Variants in NBAS observed in about 807,000 individuals in gnomAD.
The protein encoded by NBAS is NAG/BC035112 fusion.
Under a neutral mutation model 302.5 loss-of-function variants are expected in NBAS, and 219 were observed. That is an observed-to-expected ratio of 0.72 (90% CI 0.65 to 0.81). NBAS has a LOEUF of 0.81. Among genes scored for constraint, NBAS ranks in the 30% least tolerant of loss-of-function variants. NBAS has a pLI of 0.00. For synonymous variants in NBAS, 1,118 were observed against 1,021.6 expected, an observed-to-expected ratio of 1.09 and a Z score of -1.80; for missense variants, 2,932 against 2,841.6, an observed-to-expected ratio of 1.03 and a Z score of -0.72.
At chr2:14,810,050 T>G in the NBAS span, among the ~76,000 whole-genome samples, 1 of 152,362 alleles carries the variant, frequency 6.6e-6, no homozygotes, top group South Asian at 2.1e-4. Context: ...GCCTGTACTC[T>G]CATTTTATCT....
At chr2:15,276,009 T>C (rs182557141) in intron 43 of NBAS, among the ~76,000 whole-genome samples, 191 bp from the exon 44 acceptor site, 7 of 152,304 alleles carry the variant, frequency 4.6e-5, no homozygotes, top group Admixed American at 4.6e-4. Flanking sequence ...CTGAAACTTA[T>C]TCGGCTTTGT....
chr2:15,377,541 A>G (rs1674804628), intron 30 of NBAS, among the ~76,000 whole-genome samples: 2 of 152,250 alleles, frequency 1.3e-5, no homozygotes, highest in South Asian at 4.1e-4. Context: ...TTACAGGTGA[A>G]GAACCTGAGG....
chr2:14,880,048 T>C, the NBAS span, among the ~76,000 whole-genome samples: 2 of 152,160 alleles, frequency 1.3e-5, no homozygotes, highest in Non-Finnish European at 2.9e-5. Context: ...AGAAGAGCCA[T>C]TCCTTGGAGA....
In NBAS at chr2:15,376,826, C is replaced by A. The variant is rs538429604; in HGVS notation, c.3591-2106G>T. On this transcript the variant is annotated intron_variant, in intron 30 of 51. Coordinates refer to ENST00000281513, the MANE Select transcript of NBAS (RefSeq NM_015909.4). Reference sequence around the variant, plus strand: ...ACATAACTGTAAACACTAAAATACACCCAGGCTCACAGGTTGCAATCAGTG... The same window carrying A: ...ACATAACTGTAAACACTAAAATACAACCAGGCTCACAGGTTGCAATCAGTG... Among the ~76,000 whole-genome samples the A allele has an allele frequency of 2.0e-5, 3 of 152,130 alleles. No homozygotes were observed. In the South Asian group the frequency reaches 6.2e-4, roughly 32 times the overall value.
chr2:14,815,205 G>A, the NBAS span, among the ~76,000 whole-genome samples: 3 of 152,126 alleles, frequency 2.0e-5, no homozygotes, highest in Admixed American at 2.0e-4. Context: ...AGCTTTTTCA[G>A]ATCAAAACAG....
chr2:15,522,328 G>C (rs1030039159), intron 9 of NBAS, among the ~76,000 whole-genome samples: 2 of 152,300 alleles, frequency 1.3e-5, no homozygotes, highest in East Asian at 3.9e-4. Flanking sequence ...TGAAGATCAT[G>C]AGTTGAGAAT....
At chr2:15,234,991 C>A (rs1667530646) in intron 45 of NBAS, among the ~76,000 whole-genome samples, 1 of 152,064 alleles carries the variant, frequency 6.6e-6, no homozygotes, top group Admixed American at 6.6e-5. Flanking sequence ...TCAATATCTG[C>A]AAAATGAGGT....
intron 13 of NBAS, among the ~76,000 whole-genome samples, chr2:15,476,286 GACAA>G (rs1353701831): frequency 6.6e-6 from 1 of 151,948 alleles, no homozygotes; most frequent in Non-Finnish European, 1.5e-5. Flanking sequence ...ACCACTTTCA[GACAA>G]ACACTGAGAG....
chr2:15,294,759 A>G (rs1670469403), intron 40 of NBAS, among the ~76,000 whole-genome samples: 1 of 152,178 alleles, frequency 6.6e-6, no homozygotes, highest in Non-Finnish European at 1.5e-5. Context: ...GGGTGGCAGG[A>G]GAGCTCTTTT....
chr2:15,238,689 TA>T lies in NBAS; in HGVS notation c.5725-4del, dbSNP rs758697933. The T allele has an allele frequency of 4.1e-6, 6 of 1,457,930 alleles. No individual in the cohort carries two copies. Among genetic ancestry groups the T allele is most frequent in the Non-Finnish European group, 4.5e-6 (5 of 1,109,814 alleles). The allele number at this position is 1,457,930 out of a possible 1,614,324, so 90.3% of individuals were successfully genotyped here. A position where few individuals can be genotyped will look rare whatever the true frequency, so the allele number is the denominator to read the frequency against. ...TCTTTACGGGCTTCCACAGACAGCT[TA>T]AAAAAAAGAATAGTGAGACCAAAGA... On this transcript the variant is annotated splice_polypyrimidine_tract_variant and splice_region_variant and intron_variant, in intron 44 of 51. Transcript: ENST00000281513.
At chr2:15,475,178 T>C (rs183764582) in intron 14 of NBAS, among the ~76,000 whole-genome samples, 41 of 152,326 alleles carry the variant, frequency 2.7e-4, no homozygotes, top group African/African-American at 9.4e-4. Flanking sequence ...GTAAAAAATA[T>C]GTCAATCTGC....
chr2:14,935,577 CCTGTTATGGTTT>C, the NBAS span, among the ~76,000 whole-genome samples: 7,390 of 152,090 alleles, frequency 0.049, 568 homozygotes, highest in African/African-American at 0.17. Context: ...CATTATGGAT[CCTGTTATGGTTT>C]TCCTTGACAG....
rs1460632327 is a variant in NBAS, at chr2:15,424,249, C to T, written c.2577+66G>A. 1.9e-6 allele frequency: 3 copies of T among 1,571,542 alleles called. No individual in the cohort carries two copies. In the East Asian group the frequency reaches 6.7e-5, roughly 35 times the overall value. On this transcript the variant is annotated intron_variant, in intron 23 of 51. Transcript: ENST00000281513. ...CTGCTGTCAGCCCCGACTCCGTGTA[C>T]TGAATCCTAAGGATCCAAGGCAGTT... is the stretch of plus-strand genomic sequence containing the variant.
At chr2:14,978,075 A>G in the NBAS span, among the ~76,000 whole-genome samples, 1 of 152,124 alleles carries the variant, frequency 6.6e-6, no homozygotes, top group Non-Finnish European at 1.5e-5. Flanking sequence ...CCAAATGTCC[A>G]TATCCTGTCT....
chr2:15,216,947 C>T (rs1325846460), intron 48 of NBAS, among the ~76,000 whole-genome samples: 3 of 152,226 alleles, frequency 2.0e-5, no homozygotes, highest in African/African-American at 7.2e-5. Context: ...ACTGTAGTCA[C>T]ATCCATTTGC....
the NBAS span, among the ~76,000 whole-genome samples, chr2:15,159,251 T>C: frequency 2.0e-5 from 3 of 152,208 alleles, no homozygotes; most frequent in Admixed American, 1.3e-4. Context: ...TTCAGATGTC[T>C]TTCATAGATT....
At chr2:15,116,937 A>T in the NBAS span, among the ~76,000 whole-genome samples, 1 of 152,172 alleles carries the variant, frequency 6.6e-6, no homozygotes, top group Non-Finnish European at 1.5e-5. Context: ...AGATTTGGAA[A>T]AGTGGAGTAA....
At chr2:15,446,699 G>A (rs143244302) in intron 21 of NBAS, among the ~76,000 whole-genome samples, 19 of 152,078 alleles carry the variant, frequency 1.2e-4, no homozygotes, top group African/African-American at 3.1e-4. Context: ...AATGTATTAC[G>A]GAGTTCATAA....
At chr2:14,857,189 GA>G in the NBAS span, among the ~76,000 whole-genome samples, 1 of 152,068 alleles carries the variant, frequency 6.6e-6, no homozygotes, top group South Asian at 2.1e-4. Context: ...CCAAAAAATG[GA>G]AAAATAGTCC....
Sources: gnomAD v4.1 joint callset for allele counts (sites outside exome capture counted in the v4.1 genomes callset) on GRCh38, gnomAD v4.1.1 for gene constraint, MANE v1.5 for transcripts, NCBI Gene and HGNC (gene_info 2026-07-23, HGNC 2026-07-21) for gene names.